NTRK2: variants seen among roughly 807,000 people sequenced by gnomAD.
The protein encoded by NTRK2 is BDNF/NT-3 growth factors receptor.
A neutral mutation model predicts 94.5 loss-of-function variants in NTRK2; 13 were observed. That is an observed-to-expected ratio of 0.14 (90% CI 0.09 to 0.22). The LOEUF (loss-of-function observed/expected upper bound fraction) is 0.22, where lower values mean the gene tolerates loss of function less well. Ranked by LOEUF, NTRK2 falls within the 10% of genes least tolerant of loss-of-function variation. The pLI is 1.00. For synonymous variants in NTRK2, 372 were observed against 407.4 expected (o/e 0.91, Z 1.05); for missense variants, 639 against 1,071.2 (o/e 0.60, Z 5.63).
At chr9:84,809,014 C>T (rs755921164) in intron 12 of NTRK2, among the ~76,000 whole-genome samples, 6 of 152,076 alleles carry the variant, frequency 3.9e-5, no homozygotes, top group Admixed American at 6.6e-5. Flanking sequence ...TCTATTTTGC[C>T]ACTTATGGAT....
At chr9:84,840,789 T>A (rs534493627) in intron 12 of NTRK2, among the ~76,000 whole-genome samples, 20 of 152,030 alleles carry the variant, frequency 1.3e-4, no homozygotes, top group Non-Finnish European at 2.2e-4. Flanking sequence ...TCTCTTTAAT[T>A]CCCTCAAATC....
intron 14 of NTRK2, among the ~76,000 whole-genome samples, chr9:84,896,176 A>G (rs189934363): frequency 2.0e-5 from 3 of 152,296 alleles, no homozygotes; most frequent in African/African-American, 7.2e-5. Context: ...TTATATGGCT[A>G]CTCTAAATAT....
At chr9:84,721,370 G>A (rs969380518) in intron 6 of NTRK2, among the ~76,000 whole-genome samples, 2 of 152,036 alleles carry the variant, frequency 1.3e-5, no homozygotes, top group African/African-American at 4.8e-5. Flanking sequence ...TAGAGATGGG[G>A]TTTCACTATG....
At chr9:84,954,566 G>A (rs1218621182) in intron 16 of NTRK2, among the ~76,000 whole-genome samples, 1 of 151,676 alleles carries the variant, frequency 6.6e-6, no homozygotes, top group African/African-American at 2.4e-5. Context: ...CATAGCCTGT[G>A]TTGAGCGGAG....
chr9:84,972,574 AAATG>A (rs1826308870), intron 17 of NTRK2, among the ~76,000 whole-genome samples: 1 of 152,240 alleles, frequency 6.6e-6, no homozygotes, highest in African/African-American at 2.4e-5. Context: ...TAACATGCTC[AAATG>A]TGTTATATAC....
chr9:84,671,745 C>T (rs2058711285), intron 2 of NTRK2, among the ~76,000 whole-genome samples: 2 of 152,186 alleles, frequency 1.3e-5, no homozygotes, highest in Admixed American at 1.3e-4. Flanking sequence ...CTGGCTTTAG[C>T]ATTGGACCTC....
rs2061202637 is a variant in NTRK2, at chr9:84,707,861, A to G, written c.377A>G (p.Lys126Arg). Reference protein sequence around the residue: ...NLQHINFTRNKLTSLSRKHFR... With the variant: ...NLQHINFTRNRLTSLSRKHFR... ...CCTTTCAGCAATTTTACCCGAAACA[A>G]ACTGACGAGTTTGTCTAGGAAACAT... is the stretch of plus-strand genomic sequence containing the variant. The change falls in exon 5 of 19, where the codon AAA (lysine) becomes AGA (arginine). Residue 126 changes from lysine to arginine, a missense_variant. Coordinates refer to ENST00000277120, the MANE Select transcript of NTRK2 (RefSeq NM_006180.6). 6.2e-7 allele frequency: 1 copy of G among 1,613,106 alleles called. No individual in the cohort carries two copies. Among genetic ancestry groups the G allele is most frequent in the African/African-American group, 1.3e-5 (1 of 74,926 alleles).
At chr9:84,903,524 G>GCAAAGT (rs1442695694) in intron 14 of NTRK2, among the ~76,000 whole-genome samples, 1 of 152,090 alleles carries the variant, frequency 6.6e-6, no homozygotes, top group Non-Finnish European at 1.5e-5. Flanking sequence ...CTTAAATTGG[G>GCAAAGT]CAAAGTCTTA....
At chr9:84,933,608 G>C (rs575085796) in intron 14 of NTRK2, among the ~76,000 whole-genome samples, 3 of 152,328 alleles carry the variant, frequency 2.0e-5, no homozygotes, top group African/African-American at 4.8e-5. Context: ...AAGGAAGTCA[G>C]TGAGGCCCAA....
chr9:84,766,558 A>AT (rs1453109319), intron 12 of NTRK2, among the ~76,000 whole-genome samples: 1 of 152,066 alleles, frequency 6.6e-6, no homozygotes, highest in Non-Finnish European at 1.5e-5. Flanking sequence ...AAGATATCTC[A>AT]TGCGGGGAGA....
At chr9:84,916,383 G>A (rs1024689658) in intron 14 of NTRK2, among the ~76,000 whole-genome samples, 1 of 152,146 alleles carries the variant, frequency 6.6e-6, no homozygotes, top group African/African-American at 2.4e-5. Flanking sequence ...GATAGGCAGG[G>A]TGGTTAAAAA....
intron 14 of NTRK2, among the ~76,000 whole-genome samples, chr9:84,924,229 T>TAGAGAGAAAGAAAGAA (rs2077666830): frequency 8.7e-6 from 1 of 115,578 alleles, no homozygotes; most frequent in African/African-American, 3.4e-5. Flanking sequence ...AGAAAGAAAG[T>TAGAGAGAAAGAAAGAA]AGAAAGAAAG....
At chr9:84,997,131 G>C (rs570602739) in intron 17 of NTRK2, among the ~76,000 whole-genome samples, 1 of 152,314 alleles carries the variant, frequency 6.6e-6, no homozygotes, top group Non-Finnish European at 1.5e-5. Context: ...CTCCTGAGTT[G>C]CTGTTGATTT....
chr9:85,011,086 T>C (rs779607841), intron 17 of NTRK2, among the ~76,000 whole-genome samples: 3 of 152,038 alleles, frequency 2.0e-5, no homozygotes, highest in Non-Finnish European at 4.4e-5. Context: ...AGGGAAGAGA[T>C]TGCTCTAAGG....
chr9:84,943,791 A>G (rs1025194413), intron 15 of NTRK2, among the ~76,000 whole-genome samples: 3 of 152,124 alleles, frequency 2.0e-5, no homozygotes, highest in African/African-American at 7.2e-5. Context: ...GATTTTTATA[A>G]ATAGGGTTGA....
intron 10 of NTRK2, among the ~76,000 whole-genome samples, chr9:84,742,861 C>T (rs933682988): frequency 5.1e-5 from 7 of 136,028 alleles, no homozygotes; most frequent in African/African-American, 8.5e-5. Context: ...AGTCCAGTGG[C>T]GCGATCTATG....
At chr9:84,726,872 G>A (rs1483645781) in intron 8 of NTRK2, among the ~76,000 whole-genome samples, 2 of 152,168 alleles carry the variant, frequency 1.3e-5, no homozygotes, top group African/African-American at 2.4e-5. Flanking sequence ...CTTAGGATAA[G>A]TACTCTGTTT....
intron 17 of NTRK2, among the ~76,000 whole-genome samples, chr9:85,003,435 A>T (rs1029797213): frequency 6.6e-6 from 1 of 152,146 alleles, no homozygotes; most frequent in Non-Finnish European, 1.5e-5. Flanking sequence ...ACAAATAATA[A>T]TTGTAGCTAG....
intron 2 of NTRK2, among the ~76,000 whole-genome samples, chr9:84,676,960 AGTGTGT>A (rs58789627): frequency 6.7e-6 from 1 of 150,000 alleles, no homozygotes; most frequent in Non-Finnish European, 1.5e-5. Flanking sequence ...ACTGTGTGTG[AGTGTGT>A]GTGTGTGTGT....
Sources: gnomAD v4.1 joint callset for allele counts (sites outside exome capture counted in the v4.1 genomes callset) on GRCh38, gnomAD v4.1.1 for gene constraint, MANE v1.5 for transcripts, NCBI Gene and HGNC (gene_info 2026-07-23, HGNC 2026-07-21) for gene names.